PIP4K2A: variants seen among roughly 807,000 people sequenced by gnomAD.
PIP4K2A encodes the protein phosphatidylinositol 5-phosphate 4-kinase type-2 alpha.
A neutral mutation model predicts 42.9 loss-of-function variants in PIP4K2A; 14 were observed. The ratio of observed to expected loss-of-function variants is 0.33; its 90% CI spans 0.22 to 0.51. The LOEUF (loss-of-function observed/expected upper bound fraction) is 0.51. Among genes scored for constraint, PIP4K2A ranks in the 20% least tolerant of loss-of-function variants. The pLI, the probability that PIP4K2A is intolerant of heterozygous loss-of-function variation, is 0.97. For synonymous variants in PIP4K2A, 192 were observed against 192.2 expected (o/e 1.00, Z 0.01); for missense variants, 434 against 519.8 (o/e 0.83, Z 1.61).
In PIP4K2A at chr10:22,542,054, A is replaced by C; in HGVS notation, c.793-7T>G. ...GCTTCAGCTGGGCCAGAAACTGGGGACAGAGGCAACAGGGTGAGTCAGCCA... is the reference window on the plus strand; with the variant it reads ...GCTTCAGCTGGGCCAGAAACTGGGGCCAGAGGCAACAGGGTGAGTCAGCCA... On this transcript the variant is annotated splice_polypyrimidine_tract_variant and splice_region_variant and intron_variant, in intron 7 of 9. Transcript: ENST00000376573. The C allele has an allele frequency of 6.2e-7, 1 of 1,601,038 alleles. No individual in the cohort carries two copies. Among genetic ancestry groups the C allele is most frequent in the South Asian group, 1.1e-5 (1 of 88,676 alleles).
chr10:22,556,331 A>C (rs2130770709), intron 6 of PIP4K2A, among the ~76,000 whole-genome samples: 1 of 152,326 alleles, frequency 6.6e-6, no homozygotes, highest in Middle Eastern at 3.4e-3. Context: ...CCAGCTAGAA[A>C]AACCTCTGTG....
At chr10:22,542,141 G>T in intron 7 of PIP4K2A, 94 bp from the exon 8 acceptor site, 1 of 1,161,246 alleles carries the variant, frequency 8.6e-7, no homozygotes, top group Non-Finnish European at 1.2e-6. Context: ...CAGAGGGAAG[G>T]CTGTGGGGTG....
At chr10:22,595,204 T>C (rs1837605585) in intron 3 of PIP4K2A, among the ~76,000 whole-genome samples, 1 of 152,200 alleles carries the variant, frequency 6.6e-6, no homozygotes, top group African/African-American at 2.4e-5. Flanking sequence ...TTTCACAATA[T>C]TCCTGTGAGA....
At chr10:22,662,136 T>C (rs745516970) in intron 1 of PIP4K2A, among the ~76,000 whole-genome samples, 17 of 152,242 alleles carry the variant, frequency 1.1e-4, no homozygotes, top group Non-Finnish European at 2.5e-4. Context: ...GTCTTTATTT[T>C]TGATACTGAA....
At chr10:22,670,117 G>A (rs1261939867) in intron 1 of PIP4K2A, among the ~76,000 whole-genome samples, 1 of 152,164 alleles carries the variant, frequency 6.6e-6, no homozygotes, top group Non-Finnish European at 1.5e-5. Flanking sequence ...TGTGGCTCAA[G>A]CCTGTAATCC....
chr10:22,611,282 TAGG>T (rs1423800222), intron 1 of PIP4K2A, among the ~76,000 whole-genome samples: 4 of 151,824 alleles, frequency 2.6e-5, no homozygotes, highest in Non-Finnish European at 5.9e-5. Context: ...CCCAGCTACT[TAGG>T]AGGCTGATGA....
intron 1 of PIP4K2A, among the ~76,000 whole-genome samples, chr10:22,687,562 C>T (rs1023885080): frequency 2.0e-5 from 3 of 152,050 alleles, no homozygotes; most frequent in South Asian, 2.1e-4. Flanking sequence ...CACACACACA[C>T]GCATACACAT....
Position 22,535,737 on chromosome 10 carries a change from G to C in PIP4K2A, c.*1464C>G. On this transcript the variant is annotated 3_prime_UTR_variant, in exon 10 of 10. Coordinates refer to ENST00000376573, the MANE Select transcript of PIP4K2A (RefSeq NM_005028.5). ...GCTCAATGCCTTTTGGAAAATGCAG[G>C]AGAGTTGGTAGATACATGATCTAGG... is the stretch of plus-strand genomic sequence containing the variant. The C allele has an allele frequency of 5.3e-6, 1 of 187,586 alleles. No individual in the cohort carries two copies. The highest frequency in any genetic ancestry group is 1.1e-5 in the Non-Finnish European group (1 of 91,650). 11.6% of individuals were successfully genotyped at this position (187,586 alleles called of 1,614,324 possible). A position where few individuals can be genotyped will look rare whatever the true frequency, so the allele number is the denominator to read the frequency against.
chr10:22,618,922 C>T (rs1300129584), intron 1 of PIP4K2A, among the ~76,000 whole-genome samples: 2 of 152,282 alleles, frequency 1.3e-5, no homozygotes, highest in Admixed American at 6.5e-5. Context: ...TTGGTAGCAA[C>T]CAGAACATAC....
chr10:22,620,415 G>A (rs1838299036), intron 1 of PIP4K2A, among the ~76,000 whole-genome samples: 2 of 152,244 alleles, frequency 1.3e-5, no homozygotes, highest in Non-Finnish European at 2.9e-5. Context: ...CAGGGAGTCA[G>A]GAGACCTATG....
chr10:22,541,885 T>A lies in PIP4K2A; in HGVS notation c.955A>T (p.Asn319Tyr), dbSNP rs1836124488. 1.2e-6 allele frequency: 2 copies of A among 1,613,214 alleles called. No individual in the cohort carries two copies. Among genetic ancestry groups the A allele is most frequent in the Non-Finnish European group, 1.7e-6 (2 of 1,179,466 alleles). Residue 319 changes from asparagine (N) to tyrosine (Y), a missense_variant, in exon 8 of 10, where the codon AAT (asparagine) becomes TAT (tyrosine). Asn to Tyr is a moderately radical substitution (Grantham distance 143). Around this residue, in one of 2 missense-constraint regions of PIP4K2A, gnomAD observed 395 missense variants for 444.5 expected, o/e 0.89. Coordinates refer to ENST00000376573, the MANE Select transcript of PIP4K2A (RefSeq NM_005028.5). ...AGGGGTGGTGAGCTGTTCAGTGTATTCCCGGGGCTATCTGGGGGGGTTCCC... is the reference window on the plus strand; with the variant it reads ...AGGGGTGGTGAGCTGTTCAGTGTATACCCGGGGCTATCTGGGGGGGTTCCC... ...PVGTPPDSPG[N>Y]TLNSSPPLAP...
intron 4 of PIP4K2A, among the ~76,000 whole-genome samples, chr10:22,584,930 C>T (rs147286096): frequency 0.019 from 2,862 of 152,206 alleles, 42 homozygotes; most frequent in Non-Finnish European, 0.024. Flanking sequence ...TTCTGTTGTT[C>T]CAGAACACAG....
chr10:22,698,892 C>T (rs1198837807), intron 1 of PIP4K2A, among the ~76,000 whole-genome samples: 1 of 152,120 alleles, frequency 6.6e-6, no homozygotes, highest in Non-Finnish European at 1.5e-5. Context: ...ACTTAAATTT[C>T]ACTGAAACCA....
chr10:22,599,931 A>C (rs1345589787), intron 3 of PIP4K2A, among the ~76,000 whole-genome samples: 2 of 152,190 alleles, frequency 1.3e-5, no homozygotes, highest in East Asian at 3.9e-4. Flanking sequence ...AAAAGGATTA[A>C]CGATGCTGTC....
At chr10:22,631,259 A>T (rs967819227) in intron 1 of PIP4K2A, among the ~76,000 whole-genome samples, 4 of 152,152 alleles carry the variant, frequency 2.6e-5, no homozygotes, top group African/African-American at 9.7e-5. Context: ...CCTACAATGC[A>T]ACCCTAACCT....
chr10:22,656,280 C>T (rs999738701), intron 1 of PIP4K2A, among the ~76,000 whole-genome samples: 2 of 152,196 alleles, frequency 1.3e-5, no homozygotes, highest in East Asian at 1.9e-4. Context: ...CGGCCCCTCT[C>T]GAATTCCCAG....
chr10:22,603,946 T>C lies in PIP4K2A; in HGVS notation c.339+3981A>G, dbSNP rs12261558. ...TGCAATTTAAAAATGCCCTAATGAA[T>C]TGGAAAAAGTTCTGAATCTAGAAGC... is the stretch of plus-strand genomic sequence containing the variant. On this transcript the variant is annotated intron_variant, in intron 3 of 9. Coordinates refer to ENST00000376573, the MANE Select transcript of PIP4K2A (RefSeq NM_005028.5). 5.7e-3 allele frequency among the ~76,000 whole-genome samples: 865 copies of C among 152,106 alleles called. 5 individuals are homozygous for C. Among genetic ancestry groups the C allele is most frequent in the African/African-American group, 0.02 (814 of 41,484 alleles).
chr10:22,651,299 A>ACT lies in PIP4K2A; in HGVS notation c.145-41584_145-41583dup, dbSNP rs544775793. Among the ~76,000 whole-genome samples the ACT allele has an allele frequency of 5.7e-4, 86 of 152,124 alleles. 1 individual carries two copies. In the South Asian group the frequency reaches 0.016, roughly 28 times the overall value. On this transcript the variant is annotated intron_variant, in intron 1 of 9. Coordinates refer to ENST00000376573, the MANE Select transcript of PIP4K2A (RefSeq NM_005028.5). ...GAGGCGGCTGTGATTGTTTAAAAGC[A>ACT]CTCATCTGCCACTATTCCCAGCCTC...
At chr10:22,553,951 C>T (rs1367617587) in intron 6 of PIP4K2A, among the ~76,000 whole-genome samples, 1 of 151,964 alleles carries the variant, frequency 6.6e-6, no homozygotes, top group Non-Finnish European at 1.5e-5. Context: ...GTCTGGCTAA[C>T]ATAGTGAGAC....
Sources: allele counts gnomAD v4.1 joint callset (sites outside exome capture counted in the v4.1 genomes callset), GRCh38; gene constraint gnomAD v4.1.1; regional missense constraint gnomAD v4.1.1; transcripts MANE v1.5; gene names NCBI Gene and HGNC (gene_info 2026-07-23, HGNC 2026-07-21).